The following CACNA1F variants were observed in gnomAD, a reference collection of about 807,000 sequenced individuals.
CACNA1F encodes the protein voltage-dependent L-type calcium channel subunit alpha-1F.
CACNA1F carries 59 observed loss-of-function variants against 143.8 expected under a neutral mutation model. The ratio of observed to expected loss-of-function variants is 0.41; its 90% CI spans 0.33 to 0.51. The LOEUF is 0.51. Among genes scored for constraint, CACNA1F ranks in the 20% least tolerant of loss-of-function variants. CACNA1F has a pLI of 0.22. For missense variants in CACNA1F, 1,411 were observed against 1,647.5 expected (o/e 0.86, Z 2.48); for synonymous variants, 643 against 649.1 (o/e 0.99, Z 0.14).
Position 49,212,001 on chromosome X carries a change from T to C in CACNA1F, c.4009-12A>G. 1 of 1,183,774 alleles carries C rather than the reference T, an allele frequency of 8.4e-7. No individual in the cohort carries two copies. Among genetic ancestry groups the C allele is most frequent in the Non-Finnish European group, 1.1e-6 (1 of 870,517 alleles). On this transcript the variant is annotated splice_polypyrimidine_tract_variant and intron_variant, in intron 34 of 47. Transcript: ENST00000323022. Reference sequence around the variant, plus strand: ...ACCTTGCCGAACATCTGTGGACACATCAAGGCTGTGTCAGTGGGGTGAACC... The same window carrying C: ...ACCTTGCCGAACATCTGTGGACACACCAAGGCTGTGTCAGTGGGGTGAACC...
rs782034275 is a variant in CACNA1F, at chrX:49,209,928, G to A, written c.4690+13C>T. On this transcript the variant is annotated intron_variant, in intron 40 of 47. Coordinates refer to ENST00000323022, the MANE Select transcript of CACNA1F (RefSeq NM_001256789.3). ...AGGGGCTGGCGCGGGGAACTGGGGC[G>A]GGGATAGCTCACCGTCTGGTGGGGG... 12 of 1,165,860 alleles carry A rather than the reference G, an allele frequency of 1.0e-5. No homozygotes were observed. The highest frequency in any genetic ancestry group is 1.4e-5 in the Non-Finnish European group (12 of 854,934).
intron 30 of CACNA1F, 85 bp downstream of exon 30, chrX:49,214,074 G>A (rs1488208803): frequency 2.9e-5 from 20 of 701,207 alleles, no homozygotes; most frequent in South Asian, 2.1e-4. Context: ...GCTGCTGCCC[G>A]CATCGCCAAC....
intron 18 of CACNA1F, among the ~76,000 whole-genome samples, 191 bp from the exon 19 acceptor site, chrX:49,220,715 T>A (rs1480030580): frequency 8.9e-6 from 1 of 112,611 alleles, no homozygotes; most frequent in Non-Finnish European, 1.9e-5. Flanking sequence ...GGCAGGTGGA[T>A]CACTTGAGGT....
intron 43 of CACNA1F, 89 bp downstream of exon 43, chrX:49,208,426 C>CCCCCCCCCCCCCCT: frequency 3.9e-6 from 2 of 518,840 alleles, no homozygotes; most frequent in Non-Finnish European, 6.4e-6. Flanking sequence ...CCCTCCCACC[C>CCCCCCCCCCCCCCT]CCCTCAACTT....
chrX:49,231,978 G>A, intron 1 of CACNA1F, 51 bp from the exon 2 acceptor site: 2 of 1,113,937 alleles, frequency 1.8e-6, no homozygotes, highest in South Asian at 2.1e-5. Context: ...GGCAATTGTG[G>A]CTGCTTCCTA....
intron 19 of CACNA1F, 84 bp downstream of exon 19, chrX:49,220,389 G>T: frequency 3.0e-6 from 2 of 656,049 alleles, no homozygotes; most frequent in Non-Finnish European, 4.9e-6. Flanking sequence ...TCTCTGGAGA[G>T]GAGGGTCTCA....
intron 46 of CACNA1F, among the ~76,000 whole-genome samples, chrX:49,206,198 G>A (rs1557104827): frequency 9.2e-6 from 1 of 109,253 alleles, no homozygotes. Context: ...TTTGAGACCA[G>A]CCCGGCCAAC....
rs1557108089 is a variant in CACNA1F, at chrX:49,218,720, C to T, written c.2749G>A (p.Ala917Thr). Residue 917 changes from alanine (A) to threonine (T), a missense_variant, in exon 23 of 48, where the codon GCC becomes ACC. This residue lies in a region of CACNA1F where 950 missense variants were observed against 1,128.1 expected (regional missense o/e 0.84). Transcript: ENST00000323022. ...CAGAAGGAGCCGCGGTGCAGGAAGG[C>T]CCCAAACACTGTCATCTGGGGACAG... ...EILLKMTVFG[A>T]FLHRGSFCRS... 5.9e-6 allele frequency: 7 copies of T among 1,177,112 alleles called. No homozygotes were observed. The highest frequency in any genetic ancestry group is 8.0e-6 in the Non-Finnish European group (7 of 876,236).
rs201483146 is a variant in CACNA1F at position 49,210,492 on chromosome X, G to A, written c.4486-89C>T. ...AAGGGGCAGAAACCTCTGAGGATGC[G>A]ATCAAACACCCCTCCCCACCCAAGG... On this transcript the variant is annotated intron_variant, in intron 38 of 47. Transcript: ENST00000323022. 2.1e-4 allele frequency: 209 copies of A among 1,007,138 alleles called. No homozygotes were observed. In the East Asian group the frequency reaches 5.2e-3, roughly 25 times the overall value. 83.0% of individuals were successfully genotyped at this position (1,007,138 alleles called of 1,213,427 possible).
chrX:49,206,834 C>G lies in CACNA1F; in HGVS notation c.5253G>C (p.Gln1751His), dbSNP rs781936182. The part of the protein sequence containing the change: ...VPDRLSYLDE[Q>H]AGTPPCSVLL... ...GGACTGAGCACGGGGGAGTCCCTGC[C>G]TGCTCATCTAGGTAGGAAAGCCTGT... Residue 1751 changes from glutamine (Q) to histidine (H), a missense_variant, in exon 45 of 48, where the codon CAG becomes CAC. Physicochemically the swap from Gln to His is conservative, Grantham distance 24 (BLOSUM62 0). This residue lies in a region of CACNA1F where 349 missense variants were observed against 350.2 expected (regional missense o/e 1.00). Coordinates refer to ENST00000323022, the MANE Select transcript of CACNA1F (RefSeq NM_001256789.3). 1.7e-6 allele frequency: 2 copies of G among 1,203,784 alleles called. No homozygotes were observed. Among genetic ancestry groups the G allele is most frequent in the Admixed American group, 4.4e-5 (2 of 45,763 alleles).
Position 49,226,986 on chromosome X carries a change from G to A in CACNA1F, c.1260C>T (p.Ser420=), listed in dbSNP as rs369146932. Residue 420 remains serine (S), a synonymous_variant, in exon 9 of 48, where the codon TCC becomes TCT. Transcript: ENST00000323022. ...QAEELDMEDP[S]ADDNLGPQLA... ...CCATAGAACCAAGGTTGTCATCGGC[G>A]GAGGGGTCCTCCATGTCCAGCTCTT... The A allele has an allele frequency of 1.5e-5, 18 of 1,211,908 alleles. No individual in the cohort carries two copies. The highest frequency in any genetic ancestry group is 3.5e-5 in the African/African-American group (2 of 57,869).
At chrX:49,232,747 G>A (rs1414818470) in intron 1 of CACNA1F, among the ~76,000 whole-genome samples, 1 of 111,535 alleles carries the variant, frequency 9.0e-6, no homozygotes, top group African/African-American at 3.3e-5. Flanking sequence ...GTCACACTCA[G>A]TCTAACTCTA....
intron 6 of CACNA1F, 59 bp from the exon 7 acceptor site, chrX:49,228,506 C>T (rs2065847272): frequency 1.1e-6 from 1 of 943,478 alleles, no homozygotes; most frequent in Admixed American, 2.6e-5. Flanking sequence ...CGCTGCCACC[C>T]TGAAGCCCCG....
At position 49,207,169 on chromosome X, in the gene CACNA1F, C is replaced by T. The variant is rs984054910; in HGVS notation, c.5124-57G>A. On this transcript the variant is annotated intron_variant, in intron 43 of 47. Transcript: ENST00000323022. ...GATCCCTCAATATGTGGCCCTGGACCCCTGGTTCCTCTCATCCCATGCCCC... is the reference window on the plus strand; with the variant it reads ...GATCCCTCAATATGTGGCCCTGGACTCCTGGTTCCTCTCATCCCATGCCCC... 3.8e-5 allele frequency: 27 copies of T among 705,194 alleles called. 1 individual carries two copies. The South Asian group carries it at 5.9e-4, about 16-fold the overall frequency. The allele number at this position is 705,194 out of a possible 1,213,427, so 58.1% of individuals were successfully genotyped here.
chrX:49,230,991 TG>T lies in CACNA1F; in HGVS notation c.382-3del. On this transcript the variant is annotated splice_region_variant and splice_polypyrimidine_tract_variant and intron_variant, in intron 3 of 47. Coordinates refer to ENST00000323022, the MANE Select transcript of CACNA1F (RefSeq NM_001256789.3). The stretch of plus-strand genomic sequence containing the variant: ...CAGGAATACGTACTCCACCTGCTCC[TG>T]GGGGTGGGACCGGGGGGCGGGTCGG... 1.6e-6 allele frequency: 1 copy of T among 606,488 alleles called. No homozygotes were observed. The highest frequency in any genetic ancestry group is 2.4e-6 in the Non-Finnish European group (1 of 413,227). 50.0% of individuals were successfully genotyped at this position (606,488 alleles called of 1,213,427 possible). A position where few individuals can be genotyped will look rare whatever the true frequency, so the allele number is the denominator to read the frequency against.
At chrX:49,210,436 G>C (rs1557105927) in intron 38 of CACNA1F, 33 bp from the exon 39 acceptor site, 7 of 1,103,040 alleles carry the variant, frequency 6.3e-6, no homozygotes, top group Non-Finnish European at 8.8e-6. Context: ...ACCCACTCTG[G>C]GAAAATGCCG....
At position 49,213,913 on chromosome X, in the gene CACNA1F, G is replaced by A. The variant is rs782760697; in HGVS notation, c.3709-11C>T. 12 of 1,151,148 alleles carry A rather than the reference G, an allele frequency of 1.0e-5. No homozygotes were observed. Among genetic ancestry groups the A allele is most frequent in the Middle Eastern group, 2.4e-4 (1 of 4,198 alleles). The allele number at this position is 1,151,148 out of a possible 1,213,427, so 94.9% of individuals were successfully genotyped here. ...ATCAGTGAAGTAATGCTGCAAGTAG[G>A]AGAAAAGCAGTGCCCTGTCTTCTCA... is the stretch of plus-strand genomic sequence containing the variant. On this transcript the variant is annotated splice_polypyrimidine_tract_variant and intron_variant, in intron 30 of 47. Transcript: ENST00000323022.
intron 38 of CACNA1F, 81 bp downstream of exon 38, chrX:49,210,509 C>A: frequency 1.9e-6 from 2 of 1,034,224 alleles, no homozygotes; most frequent in African/African-American, 3.7e-5. Flanking sequence ...CACCCCTCCC[C>A]ACCCAAGGCA....
chrX:49,224,713 T>A (rs374734283), intron 14 of CACNA1F, 48 bp downstream of exon 14: 19 of 817,425 alleles, frequency 2.3e-5, no homozygotes, highest in Non-Finnish European at 3.1e-5. Context: ...GGTGGGGGTG[T>A]TGAGGCTGTG....
Sources: gnomAD v4.1 joint callset for allele counts (sites outside exome capture counted in the v4.1 genomes callset) on GRCh38, gnomAD v4.1.1 for gene constraint, gnomAD v4.1.1 regional missense constraint, MANE v1.5 for transcripts, NCBI Gene and HGNC (gene_info 2026-07-23, HGNC 2026-07-21) for gene names.